Variants in GABRB3 observed in about 807,000 individuals in gnomAD.
GABRB3 encodes the protein gamma-aminobutyric acid type A receptor subunit beta3.
In GABRB3, 14 loss-of-function variants were observed where a neutral mutation model predicts 52.1. The observed-to-expected ratio is 0.27, with a 90% CI of 0.18 to 0.42. The LOEUF is 0.42. Among genes scored for constraint, GABRB3 ranks in the 10% least tolerant of loss-of-function variants. The pLI is 1.00. For missense variants in GABRB3, 307 were observed against 609.1 expected (o/e 0.50, Z 5.22); for synonymous variants, 260 against 232.3 (o/e 1.12, Z -1.08).
At chr15:26,555,394 T>G (rs1234650084) in intron 8 of GABRB3, among the ~76,000 whole-genome samples, 1 of 152,140 alleles carries the variant, frequency 6.6e-6, no homozygotes, top group Non-Finnish European at 1.5e-5. Context: ...AAATGAATGT[T>G]GACTTGAGTT....
chr15:26,666,184 GT>G (rs1887705131), intron 3 of GABRB3, among the ~76,000 whole-genome samples: 1 of 152,118 alleles, frequency 6.6e-6, no homozygotes, highest in Non-Finnish European at 1.5e-5. Context: ...CTATTTTTAG[GT>G]TTCAGGGGAA....
chr15:26,628,682 CAAAAA>C, intron 3 of GABRB3, among the ~76,000 whole-genome samples: 1 of 138,724 alleles, frequency 7.2e-6, no homozygotes. Flanking sequence ...GCAAAAAAAA[CAAAAA>C]AACAAAAAAA....
chr15:26,764,117 T>C (rs1421805570), intron 3 of GABRB3, among the ~76,000 whole-genome samples: 3 of 133,194 alleles, frequency 2.3e-5, no homozygotes, highest in Non-Finnish European at 4.6e-5. Context: ...ACCATTGCAC[T>C]CCAGCCTGGG....
intron 4 of GABRB3, among the ~76,000 whole-genome samples, chr15:26,617,794 G>C (rs1241984709): frequency 6.6e-6 from 1 of 152,062 alleles, no homozygotes; most frequent in Non-Finnish European, 1.5e-5. Flanking sequence ...ATCTCCTTAA[G>C]CTGATAAGCA....
At chr15:26,569,563 T>G (rs143261168) in intron 6 of GABRB3, among the ~76,000 whole-genome samples, 3 of 152,376 alleles carry the variant, frequency 2.0e-5, no homozygotes, top group Admixed American at 6.5e-5. Flanking sequence ...TCAATTTTTA[T>G]AAAACTATAA....
At chr15:26,571,520 T>C (rs1890395615) in intron 6 of GABRB3, among the ~76,000 whole-genome samples, 1 of 152,158 alleles carries the variant, frequency 6.6e-6, no homozygotes, top group African/African-American at 2.4e-5. Context: ...CCTCCAACTT[T>C]CCATTTGCCA....
intron 3 of GABRB3, among the ~76,000 whole-genome samples, chr15:26,631,164 A>G (rs961343710): frequency 2.6e-5 from 4 of 152,232 alleles, no homozygotes; most frequent in African/African-American, 9.6e-5. Context: ...GCATTTATAC[A>G]TAGTGACTGC....
At chr15:26,767,449 G>T (rs1891028443) in intron 3 of GABRB3, among the ~76,000 whole-genome samples, 1 of 152,152 alleles carries the variant, frequency 6.6e-6, no homozygotes, top group Non-Finnish European at 1.5e-5. Context: ...GATTTTCTCT[G>T]TAGAGCTCAG....
intron 3 of GABRB3, among the ~76,000 whole-genome samples, chr15:26,710,419 G>A (rs904508720): frequency 3.3e-5 from 5 of 151,948 alleles, no homozygotes; most frequent in Admixed American, 6.6e-5. Context: ...CTGCCACCAC[G>A]CCCAGCTAAT....
In GABRB3 at chr15:26,547,784, T is replaced by G; in HGVS notation, c.*9A>C. ...TAAATGAAGTCTTTGAAAAATCAAGTACAGTCACTCAGTTAACATAGTACA... is the reference window on the plus strand; with the variant it reads ...TAAATGAAGTCTTTGAAAAATCAAGGACAGTCACTCAGTTAACATAGTACA... On this transcript the variant is annotated 3_prime_UTR_variant, in exon 9 of 9. Transcript: ENST00000311550. 1 of 1,609,642 alleles carries G rather than the reference T, an allele frequency of 6.2e-7. No homozygotes were observed. The highest frequency in any genetic ancestry group is 2.2e-5 in the East Asian group (1 of 44,868).
chr15:26,760,720 T>C (rs1213729555), intron 3 of GABRB3, among the ~76,000 whole-genome samples: 2 of 151,926 alleles, frequency 1.3e-5, no homozygotes, highest in Non-Finnish European at 2.9e-5. Flanking sequence ...TAGATACACA[T>C]AGATAAGCAC....
intron 4 of GABRB3, among the ~76,000 whole-genome samples, chr15:26,610,272 G>A (rs920038938): frequency 1.6e-4 from 25 of 152,286 alleles, no homozygotes; most frequent in African/African-American, 5.8e-4. Context: ...TGAAGGGATG[G>A]ATTTGAGACT....
At chr15:26,602,059 G>T (rs1050515684) in intron 4 of GABRB3, among the ~76,000 whole-genome samples, 1 of 152,006 alleles carries the variant, frequency 6.6e-6, no homozygotes, top group Non-Finnish European at 1.5e-5. Flanking sequence ...ATGAAGGAAT[G>T]GAAGAAGATA....
chr15:26,568,472 C>G (rs1413127312), intron 6 of GABRB3, among the ~76,000 whole-genome samples: 1 of 150,934 alleles, frequency 6.6e-6, no homozygotes, highest in African/African-American at 2.4e-5. Context: ...GCTATATTTG[C>G]CTTTTCTGTC....
In GABRB3 at chr15:26,748,570, T is replaced by C. The variant is rs1890413281; in HGVS notation, c.240+23832A>G. 1.3e-5 allele frequency among the ~76,000 whole-genome samples: 2 copies of C among 152,238 alleles called. 1 individual carries two copies. The highest frequency in any genetic ancestry group is 4.1e-4 in the South Asian group (2 of 4,832). On this transcript the variant is annotated intron_variant, in intron 3 of 8. Transcript: ENST00000311550. ...GGGATGTGTGATAGCTTCTGTTTCA[T>C]TCCTGACATTGATGTCTTTCTCTTT...
intron 8 of GABRB3, among the ~76,000 whole-genome samples, chr15:26,559,729 C>G (rs1889909311): frequency 6.6e-6 from 1 of 152,154 alleles, no homozygotes; most frequent in African/African-American, 2.4e-5. Flanking sequence ...AAGGATGTAA[C>G]AGCATTGCTG....
At chr15:26,688,545 A>C (rs1203380334) in intron 3 of GABRB3, among the ~76,000 whole-genome samples, 1 of 152,236 alleles carries the variant, frequency 6.6e-6, no homozygotes, top group Non-Finnish European at 1.5e-5. Flanking sequence ...ACATGCTCTG[A>C]AGGAATCAAT....
At chr15:26,631,132 A>G (rs888537128) in intron 3 of GABRB3, among the ~76,000 whole-genome samples, 14 of 152,342 alleles carry the variant, frequency 9.2e-5, no homozygotes, top group African/African-American at 3.1e-4. Context: ...GCATTCTGGA[A>G]TATGAGCCAC....
chr15:26,763,117 A>C (rs8041610), intron 3 of GABRB3, among the ~76,000 whole-genome samples: 54,037 of 151,990 alleles, frequency 0.36, 9,909 homozygotes, highest in African/African-American at 0.43. Context: ...GTGGACTCTG[A>C]GCCTTCAGTG....
Sources: allele counts gnomAD v4.1 joint callset (sites outside exome capture counted in the v4.1 genomes callset), GRCh38; gene constraint gnomAD v4.1.1; transcripts MANE v1.5; gene names NCBI Gene and HGNC (gene_info 2026-07-23, HGNC 2026-07-21).